Variants in GSG1L observed in about 807,000 individuals in gnomAD.
The protein encoded by GSG1L is GSG1 like.
Under a neutral mutation model 42.1 loss-of-function variants are expected in GSG1L, and 24 were observed. That is an observed-to-expected ratio of 0.57 (90% CI 0.41 to 0.80). The LOEUF (loss-of-function observed/expected upper bound fraction) is 0.80. Ranked by LOEUF, GSG1L falls within the 30% of genes least tolerant of loss-of-function variation. GSG1L has a pLI of 0.00. For synonymous variants in GSG1L, 215 were observed against 203.5 expected, an observed-to-expected ratio of 1.06 and a Z score of -0.48; for missense variants, 445 against 472.2, an observed-to-expected ratio of 0.94 and a Z score of 0.53.
intron 3 of GSG1L, among the ~76,000 whole-genome samples, chr16:27,862,301 T>C (rs2083664157): frequency 6.6e-6 from 1 of 152,152 alleles, no homozygotes; most frequent in South Asian, 2.1e-4. Context: ...GAGCTAAGGA[T>C]GGTCTCCAGC....
intron 3 of GSG1L, among the ~76,000 whole-genome samples, chr16:27,873,263 C>T (rs1270700566): frequency 6.6e-6 from 1 of 152,188 alleles, no homozygotes. Context: ...TTGGCCTGAA[C>T]TTCTTTGGAA....
chr16:28,041,197 T>A (rs2086101713), intron 1 of GSG1L, among the ~76,000 whole-genome samples: 1 of 152,170 alleles, frequency 6.6e-6, no homozygotes. Flanking sequence ...ACACCTGTAA[T>A]CCTAGCACTT....
intron 1 of GSG1L, among the ~76,000 whole-genome samples, chr16:28,027,195 G>A (rs1225046412): frequency 6.6e-6 from 1 of 152,150 alleles, no homozygotes; most frequent in Non-Finnish European, 1.5e-5. Context: ...GGAAACATAT[G>A]CCATGTGCTC....
At chr16:27,861,371 T>C (rs2141000337) in intron 3 of GSG1L, among the ~76,000 whole-genome samples, 1 of 151,526 alleles carries the variant, frequency 6.6e-6, no homozygotes, top group Non-Finnish European at 1.5e-5. Context: ...TGAGACTCCA[T>C]TTCAAAAAAA....
At chr16:28,028,040 T>C (rs1170301677) in intron 1 of GSG1L, among the ~76,000 whole-genome samples, 1 of 152,128 alleles carries the variant, frequency 6.6e-6, no homozygotes, top group Non-Finnish European at 1.5e-5. Flanking sequence ...TTAACCAAAC[T>C]ATGTGCCAGG....
chr16:27,882,303 T>C (rs1380491098), intron 3 of GSG1L, among the ~76,000 whole-genome samples: 1 of 152,116 alleles, frequency 6.6e-6, no homozygotes, highest in Non-Finnish European at 1.5e-5. Context: ...CCATTAAACT[T>C]CTCTCTTTAT....
chr16:27,807,565 A>G lies in GSG1L; in HGVS notation c.831-11T>C. The G allele has an allele frequency of 6.2e-7, 1 of 1,608,158 alleles. No homozygotes were observed. The highest frequency in any genetic ancestry group is 8.5e-7 in the Non-Finnish European group (1 of 1,179,092). On this transcript the variant is annotated splice_polypyrimidine_tract_variant and intron_variant, in intron 5 of 6. Transcript: ENST00000447459. ...TCCCTCTTCTCCATCCTGGAAAGAA[A>G]AAAAAACAAAAACAAAATCCTAGGT... is the stretch of plus-strand genomic sequence containing the variant.
chr16:27,874,441 CTTTT>C (rs71140916), intron 3 of GSG1L, among the ~76,000 whole-genome samples: 41 of 94,456 alleles, frequency 4.3e-4, no homozygotes, highest in South Asian at 2.3e-3. Context: ...ACAGGAGAGC[CTTTT>C]TTTTTTTTTT....
intron 1 of GSG1L, among the ~76,000 whole-genome samples, chr16:28,051,498 G>A (rs1435192910): frequency 6.7e-6 from 1 of 150,106 alleles, no homozygotes; most frequent in East Asian, 2.0e-4. Context: ...TCAGGTAGGG[G>A]GAAGTGTTAC....
At chr16:27,977,099 C>A (rs557994190) in intron 1 of GSG1L, among the ~76,000 whole-genome samples, 8 of 152,146 alleles carry the variant, frequency 5.3e-5, no homozygotes, top group Non-Finnish European at 8.8e-5. Flanking sequence ...AAGGACTTGG[C>A]GTTCATCACA....
intron 2 of GSG1L, among the ~76,000 whole-genome samples, chr16:27,947,429 A>AGAAG (rs756666976): frequency 6.9e-6 from 1 of 145,670 alleles, no homozygotes; most frequent in African/African-American, 2.5e-5. Context: ...AGAAAGAAAG[A>AGAAG]GAAGGAAGGA....
At chr16:27,970,590 T>C (rs1214363571) in intron 1 of GSG1L, among the ~76,000 whole-genome samples, 1 of 150,834 alleles carries the variant, frequency 6.6e-6, no homozygotes. Context: ...AAAATAGAGA[T>C]GGGGTCTCAC....
intron 1 of GSG1L, among the ~76,000 whole-genome samples, chr16:27,981,084 G>C (rs1217129900): frequency 6.6e-6 from 1 of 152,000 alleles, no homozygotes; most frequent in Non-Finnish European, 1.5e-5. Flanking sequence ...GCAGGTCCTA[G>C]TAAAATTCAT....
intron 1 of GSG1L, among the ~76,000 whole-genome samples, chr16:27,980,332 G>C (rs531085817): frequency 6.6e-6 from 1 of 152,138 alleles, no homozygotes; most frequent in South Asian, 2.1e-4. Context: ...TCTGAAGATC[G>C]TGACTTAATT....
intron 5 of GSG1L, among the ~76,000 whole-genome samples, chr16:27,822,785 G>C (rs1375926447): frequency 6.6e-6 from 1 of 152,144 alleles, no homozygotes; most frequent in Admixed American, 6.5e-5. Context: ...GGACAGAGTG[G>C]TAACCAGGAA....
chr16:27,973,441 A>C (rs1015407611), intron 1 of GSG1L, among the ~76,000 whole-genome samples: 2 of 95,410 alleles, frequency 2.1e-5, no homozygotes, highest in African/African-American at 1.2e-4. Context: ...CCCCATCACA[A>C]AAAAAAAAAA....
intron 3 of GSG1L, among the ~76,000 whole-genome samples, chr16:27,854,079 G>T (rs1198859904): frequency 6.6e-6 from 1 of 151,868 alleles, no homozygotes; most frequent in Non-Finnish European, 1.5e-5. Flanking sequence ...CAAGAAAAAG[G>T]TTGAGAAGAA....
intron 3 of GSG1L, among the ~76,000 whole-genome samples, chr16:27,870,449 C>G (rs1304648472): frequency 6.6e-6 from 1 of 151,268 alleles, no homozygotes; most frequent in African/African-American, 2.5e-5. Flanking sequence ...ATCTCTCTCT[C>G]TCTGTGTTCT....
chr16:27,989,205 C>A (rs1466274007), intron 1 of GSG1L, among the ~76,000 whole-genome samples: 1 of 152,086 alleles, frequency 6.6e-6, no homozygotes, highest in Non-Finnish European at 1.5e-5. Flanking sequence ...TTTTTGCCAT[C>A]TTTGAGTTAT....
Sources: gnomAD v4.1 joint callset for allele counts (sites outside exome capture counted in the v4.1 genomes callset) on GRCh38, gnomAD v4.1.1 for gene constraint, MANE v1.5 for transcripts, NCBI Gene and HGNC (gene_info 2026-07-23, HGNC 2026-07-21) for gene names.